CNGA1: variants seen among roughly 807,000 people sequenced by gnomAD.
The protein encoded by CNGA1 is cyclic nucleotide-gated channel alpha-1.
CNGA1 carries 53 observed loss-of-function variants against 69.7 expected under a neutral mutation model. The observed-to-expected ratio is 0.76, with a 90% confidence interval of 0.61 to 0.96. The LOEUF (loss-of-function observed/expected upper bound fraction) is 0.96, where lower values mean the gene tolerates loss of function less well. Among genes scored for constraint, CNGA1 ranks in the 40% least tolerant of loss-of-function variants. CNGA1 has a pLI of 0.00. For synonymous variants in CNGA1, 249 were observed against 283.5 expected (o/e 0.88, Z 1.22); for missense variants, 739 against 811.2 (o/e 0.91, Z 1.08).
rs1742309439 is a variant in CNGA1, at chr4:47,992,444, G to C, written c.-122-10944C>G. Among the ~76,000 whole-genome samples the C allele has an allele frequency of 2.8e-5, 4 of 145,318 alleles. No homozygotes were observed. The Admixed American group carries it at 2.8e-4, about 10-fold the overall frequency. Reference sequence around the variant, plus strand: ...TTGCAGCTATTGTAAAAAAAAGTTTGAGTTCTTGATTTGATTCTCAGCTTG... The same window carrying C: ...TTGCAGCTATTGTAAAAAAAAGTTTCAGTTCTTGATTTGATTCTCAGCTTG... On this transcript the variant is annotated intron_variant, in intron 2 of 10. Coordinates refer to ENST00000514170, the MANE Select transcript of CNGA1 (RefSeq NM_001379270.1).
chr4:47,951,466 G>A lies in CNGA1; in HGVS notation c.111C>T (p.Ser37=), dbSNP rs1315357172. ...IRRMENGACS[S]FSEDDDSAST... is the part of the protein sequence containing the mutation. ...AGGCACTGTCATCATCCTCAGAAAA[G>A]GAGCTACAGTCCAATAGGAGGCAGA... is the stretch of plus-strand genomic sequence containing the variant. Residue 37 remains serine, a synonymous_variant, in exon 5 of 11, where the codon TCC becomes TCT. Transcript: ENST00000514170. 2.3e-5 allele frequency: 37 copies of A among 1,602,506 alleles called. No homozygotes were observed. Among genetic ancestry groups the A allele is most frequent in the Non-Finnish European group, 3.1e-5 (36 of 1,169,766 alleles).
In CNGA1 at chr4:47,937,089, C is replaced by A. The variant is rs983435442; in HGVS notation, c.1393G>T (p.Val465Phe). 18 of 1,614,040 alleles carry A rather than the reference C, an allele frequency of 1.1e-5. No homozygotes were observed. The highest frequency in any genetic ancestry group is 1.0e-4 in the Admixed American group (6 of 59,992). Residue 465 changes from valine to phenylalanine, a missense_variant, in exon 11 of 11, where the codon GTT (valine) becomes TTT (phenylalanine). Transcript: ENST00000514170. ...DKLRAEIAINVHLDTLKKVRI... is the reference protein window; with the variant it reads ...DKLRAEIAINFHLDTLKKVRI... Reference sequence around the variant, plus strand: ...ACCTTTTTTAATGTGTCTAAGTGAACGTTGATGGCAATTTCTGCTCTTAGT... The same window carrying A: ...ACCTTTTTTAATGTGTCTAAGTGAAAGTTGATGGCAATTTCTGCTCTTAGT...
Position 47,941,477 on chromosome 4 carries a change from T to G in CNGA1, c.545+564A>C, listed in dbSNP as rs565912326. Among the ~76,000 whole-genome samples, 41 of 152,336 alleles carry G rather than the reference T, an allele frequency of 2.7e-4. 1 individual carries two copies. The South Asian group carries it at 7.7e-3, about 28-fold the overall frequency. ...TGAGATGTTTACCATCTAAAAGACA[T>G]TAAATCCTTGATCTTTTTCCACTAT... On this transcript the variant is annotated intron_variant, in intron 9 of 10. Transcript: ENST00000514170.
At chr4:47,990,319 G>C (rs1313470723) in intron 2 of CNGA1, among the ~76,000 whole-genome samples, 1 of 152,030 alleles carries the variant, frequency 6.6e-6, no homozygotes, top group Non-Finnish European at 1.5e-5. Flanking sequence ...ATGCATTCTT[G>C]GGGGGAGGTC....
At chr4:47,995,923 C>G (rs571920859) in intron 2 of CNGA1, among the ~76,000 whole-genome samples, 1 of 152,250 alleles carries the variant, frequency 6.6e-6, no homozygotes, top group South Asian at 2.1e-4. Flanking sequence ...TCTTCTGGAT[C>G]TAGCCACCCA....
At chr4:47,971,987 C>T (rs1216084018) in intron 3 of CNGA1, among the ~76,000 whole-genome samples, 4 of 152,176 alleles carry the variant, frequency 2.6e-5, no homozygotes, top group African/African-American at 9.7e-5. Flanking sequence ...GCAGTCACTA[C>T]TGTGAGTTTG....
intron 3 of CNGA1, among the ~76,000 whole-genome samples, chr4:47,961,337 C>T (rs1295518170): frequency 2.0e-5 from 3 of 152,186 alleles, no homozygotes; most frequent in Non-Finnish European, 4.4e-5. Context: ...TCCAGCCTCC[C>T]ATTGAGTAAG....
At chr4:47,964,284 A>G (rs1311789581) in intron 3 of CNGA1, among the ~76,000 whole-genome samples, 1 of 152,204 alleles carries the variant, frequency 6.6e-6, no homozygotes, top group African/African-American at 2.4e-5. Flanking sequence ...AAAAAATTAT[A>G]TGAGTAAAAT....
intron 3 of CNGA1, among the ~76,000 whole-genome samples, chr4:47,979,438 C>T (rs1741585689): frequency 6.6e-6 from 1 of 151,958 alleles, no homozygotes; most frequent in Non-Finnish European, 1.5e-5. Context: ...TTGCTTAATG[C>T]CATACCCAAA....
At chr4:48,011,307 A>AG (rs1560317529) in intron 1 of CNGA1, among the ~76,000 whole-genome samples, 1 of 146,908 alleles carries the variant, frequency 6.8e-6, no homozygotes, top group Non-Finnish European at 1.5e-5. Flanking sequence ...AAGAAAAAAA[A>AG]TTACTAAAAA....
chr4:47,972,963 A>G (rs759824877), intron 3 of CNGA1, among the ~76,000 whole-genome samples: 2 of 152,126 alleles, frequency 1.3e-5, no homozygotes, highest in Non-Finnish European at 2.9e-5. Context: ...TATAGGTTGT[A>G]TTACATCACC....
At chr4:47,970,660 A>AAG (rs1440799772) in intron 3 of CNGA1, among the ~76,000 whole-genome samples, 1 of 150,094 alleles carries the variant, frequency 6.7e-6, no homozygotes, top group Non-Finnish European at 1.5e-5. Context: ...TAAAAAAAAA[A>AAG]AAGAAAGAAA....
At chr4:47,981,946 A>T (rs1448208517) in intron 2 of CNGA1, among the ~76,000 whole-genome samples, 2 of 152,354 alleles carry the variant, frequency 1.3e-5, no homozygotes, top group East Asian at 3.9e-4. Flanking sequence ...GATGCACTTC[A>T]TTAGTCATTG....
At chr4:47,972,564 G>A (rs553446015) in intron 3 of CNGA1, among the ~76,000 whole-genome samples, 2 of 152,242 alleles carry the variant, frequency 1.3e-5, no homozygotes, top group African/African-American at 4.8e-5. Flanking sequence ...TCCTCAATCC[G>A]ATGGGTGAGC....
At chr4:47,948,559 T>G (rs1433220271) in intron 6 of CNGA1, among the ~76,000 whole-genome samples, 1 of 151,882 alleles carries the variant, frequency 6.6e-6, no homozygotes. Context: ...AATGCCAGAG[T>G]TCCATTAAAC....
intron 2 of CNGA1, among the ~76,000 whole-genome samples, chr4:48,005,165 T>A (rs1714864611): frequency 6.6e-6 from 1 of 152,080 alleles, no homozygotes; most frequent in African/African-American, 2.4e-5. Context: ...GTTGCCAGGA[T>A]GGAGTGCAGA....
intron 2 of CNGA1, among the ~76,000 whole-genome samples, chr4:47,985,407 A>T (rs1741935618): frequency 6.6e-6 from 1 of 152,204 alleles, no homozygotes; most frequent in Admixed American, 6.5e-5. Flanking sequence ...AACATATCTA[A>T]AAAGAAATCA....
At chr4:47,984,930 ATGCCAACTGT>A (rs1346407112) in intron 2 of CNGA1, among the ~76,000 whole-genome samples, 1 of 152,076 alleles carries the variant, frequency 6.6e-6, no homozygotes, top group Non-Finnish European at 1.5e-5. Flanking sequence ...AGCCTCTCTA[ATGCCAACTGT>A]TGTTATCCAC....
chr4:47,955,989 G>A lies in CNGA1; in HGVS notation c.-14-3286C>T, dbSNP rs150468395. Among the ~76,000 whole-genome samples the A allele has an allele frequency of 6.2e-3, 938 of 152,304 alleles. 6 individuals carry two copies. Among genetic ancestry groups the A allele is most frequent in the Middle Eastern group, 0.031 (9 of 294 alleles). ...ACGACTTTGAAATGGTTCTTAGGGC[G>A]ACAGATATGGTGAATTGGCCCACAT... On this transcript the variant is annotated intron_variant, in intron 3 of 10. Coordinates refer to ENST00000514170, the MANE Select transcript of CNGA1 (RefSeq NM_001379270.1).
Sources: allele counts gnomAD v4.1 joint callset (sites outside exome capture counted in the v4.1 genomes callset), GRCh38; gene constraint gnomAD v4.1.1; transcripts MANE v1.5; gene names NCBI Gene and HGNC (gene_info 2026-07-23, HGNC 2026-07-21).